Variants in CKAP5 observed in about 807,000 individuals in gnomAD.
CKAP5 encodes the protein cytoskeleton-associated protein 5.
Under a neutral mutation model 232.8 loss-of-function variants are expected in CKAP5, and 27 were observed. The ratio of observed to expected loss-of-function variants is 0.12; its 90% CI spans 0.09 to 0.16. The LOEUF (loss-of-function observed/expected upper bound fraction) is 0.16. Ranked by LOEUF, CKAP5 falls within the 10% of genes least tolerant of loss-of-function variation. The probability of loss-of-function intolerance (pLI) is 1.00; values close to 1 mark genes in which losing one functional copy is unlikely to be tolerated. For missense variants in CKAP5, 1,838 were observed against 2,424.7 expected (o/e 0.76, Z 5.08); for synonymous variants, 785 against 841.1 (o/e 0.93, Z 1.16).
At position 46,809,431 on chromosome 11, in the gene CKAP5, G is replaced by C. The variant is rs768513996; in HGVS notation, c.833C>G (p.Ser278Cys). 4 of 1,611,416 alleles carry C rather than the reference G, an allele frequency of 2.5e-6. 1 individual carries two copies. The South Asian group carries it at 4.4e-5, about 18-fold the overall frequency. The change falls in exon 7 of 44, where the codon TCC becomes TGC. Residue 278 changes from serine (S) to cysteine (C), a missense_variant. Physicochemically the swap from Ser to Cys is moderately radical, Grantham distance 112. Coordinates refer to ENST00000529230, the MANE Select transcript of CKAP5 (RefSeq NM_001008938.4). ...GTCATAAAAGTCTTTGGGAAGTTTG[G>C]AAAGGATTTCTACAGCTTCTAAAAG... ...YELLEAVEIL[S>C]KLPKDFYDKI...
At chr11:46,801,442 G>C in intron 8 of CKAP5, 138 bp from the exon 9 acceptor site, 2 of 579,942 alleles carry the variant, frequency 3.4e-6, no homozygotes, top group South Asian at 3.5e-5. Flanking sequence ...GGCCAAGGTG[G>C]GTGGACCACC....
Position 46,765,267 on chromosome 11 carries a change from G to C in CKAP5, c.3412-11C>G. 1 of 1,599,352 alleles carries C rather than the reference G, an allele frequency of 6.3e-7. No individual in the cohort carries two copies. The highest frequency in any genetic ancestry group is 8.5e-7 in the Non-Finnish European group (1 of 1,173,470). ...CTTCCCTTGTGCACTCTACAACCAA[G>C]GTTCAGGGAATACTGATTAGCTTGG... On this transcript the variant is annotated splice_polypyrimidine_tract_variant and intron_variant, in intron 27 of 43. Coordinates refer to ENST00000529230, the MANE Select transcript of CKAP5 (RefSeq NM_001008938.4).
intron 1 of CKAP5, among the ~76,000 whole-genome samples, chr11:46,822,519 C>T (rs977737233): frequency 6.6e-6 from 1 of 151,834 alleles, no homozygotes; most frequent in Admixed American, 6.6e-5. Flanking sequence ...TCTGGGAGGC[C>T]GAGCCGGGCG....
At chr11:46,799,163 A>T (rs1938968774) in intron 9 of CKAP5, among the ~76,000 whole-genome samples, 1 of 147,166 alleles carries the variant, frequency 6.8e-6, no homozygotes, top group African/African-American at 2.5e-5. Context: ...CACACCTGCT[A>T]TTTTTTTTTT....
At chr11:46,762,595 A>G (rs749706982) in intron 31 of CKAP5, 32 bp downstream of exon 31, 2 of 1,612,532 alleles carry the variant, frequency 1.2e-6, no homozygotes, top group Non-Finnish European at 1.7e-6. Flanking sequence ...TGCTGCAGAG[A>G]TTCACATCTC....
chr11:46,777,395 G>C, intron 23 of CKAP5, 44 bp downstream of exon 23: 1 of 1,200,040 alleles, frequency 8.3e-7, no homozygotes, highest in South Asian at 1.2e-5. Flanking sequence ...AAATATGGCT[G>C]GCCTATTCCA....
intron 3 of CKAP5, among the ~76,000 whole-genome samples, chr11:46,816,641 T>C (rs1205408115): frequency 6.6e-6 from 1 of 152,136 alleles, no homozygotes; most frequent in East Asian, 1.9e-4. Flanking sequence ...AACAAAAAAT[T>C]AAAGATCCCT....
At chr11:46,768,319 T>C (rs1197349554) in intron 26 of CKAP5, among the ~76,000 whole-genome samples, 2 of 151,822 alleles carry the variant, frequency 1.3e-5, no homozygotes, top group Non-Finnish European at 2.9e-5. Context: ...GCCTCCTGAA[T>C]AGCTGGGACT....
In CKAP5 at chr11:46,777,442, G is replaced by A; in HGVS notation, c.2859C>T (p.Ser953=). The A allele has an allele frequency of 2.5e-6, 4 of 1,595,442 alleles. No individual in the cohort carries two copies. Among genetic ancestry groups the A allele is most frequent in the Non-Finnish European group, 3.4e-6 (4 of 1,163,258 alleles). ...GIPIITVLGD[S]KNNVRAAALA... Reference sequence around the variant, plus strand: ...TGGTGAAAAGAGTTAGGTTTACCTTGCTGTCTCCAAGGACTGTGATGATAG... The same window carrying A: ...TGGTGAAAAGAGTTAGGTTTACCTTACTGTCTCCAAGGACTGTGATGATAG... The change falls in exon 23 of 44, where the codon AGC becomes AGT. Residue 953 remains serine (S), a synonymous_variant. Transcript: ENST00000529230.
At chr11:46,818,617 G>T in intron 2 of CKAP5, 114 bp from the exon 3 acceptor site, 2 of 720,902 alleles carry the variant, frequency 2.8e-6, no homozygotes, top group Non-Finnish European at 2.1e-6. Context: ...GTCAGGTAAT[G>T]TAAACAAAGG....
chr11:46,824,731 A>C (rs926181556), intron 1 of CKAP5, among the ~76,000 whole-genome samples: 1 of 152,254 alleles, frequency 6.6e-6, no homozygotes, highest in African/African-American at 2.4e-5. Context: ...CAAAAAGTTA[A>C]AAGTATCATA....
At chr11:46,775,625 G>A (rs2065283966) in intron 24 of CKAP5, among the ~76,000 whole-genome samples, 1 of 151,910 alleles carries the variant, frequency 6.6e-6, no homozygotes, top group African/African-American at 2.4e-5. Context: ...TATACACCAT[G>A]GAATACTATG....
intron 14 of CKAP5, 116 bp from the exon 15 acceptor site, chr11:46,790,302 CT>C (rs1331275459): frequency 7.5e-6 from 6 of 805,016 alleles, no homozygotes; most frequent in Non-Finnish European, 1.2e-5. Context: ...GCTATAGTTT[CT>C]GAGGCTTCTA....
chr11:46,772,511 C>T (rs961034249), intron 24 of CKAP5, among the ~76,000 whole-genome samples: 2 of 152,080 alleles, frequency 1.3e-5, no homozygotes, highest in African/African-American at 4.8e-5. Context: ...TTATGGATGT[C>T]CAATTGCTCC....
In CKAP5 at chr11:46,790,124, G is replaced by C; in HGVS notation, c.1827C>G (p.Asp609Glu). The C allele has an allele frequency of 6.2e-7, 1 of 1,611,770 alleles. No homozygotes were observed. Among genetic ancestry groups the C allele is most frequent in the Non-Finnish European group, 8.5e-7 (1 of 1,178,284 alleles). ...CCAGCCTTTCTTTCCAGTTACTGCT[G>C]TCAAGAAGCTGTATACAGGTAGGGG... is the stretch of plus-strand genomic sequence containing the variant. ...VLPPTCIQLLDSSNWKERLAC... is the reference protein window; with the variant it reads ...VLPPTCIQLLESSNWKERLAC... Residue 609 changes from aspartate to glutamate, a missense_variant, in exon 15 of 44, where the codon GAC becomes GAG. This residue lies in a region of CKAP5 where 767 missense variants were observed against 954.6 expected (regional missense o/e 0.80). Coordinates refer to ENST00000529230, the MANE Select transcript of CKAP5 (RefSeq NM_001008938.4).
chr11:46,827,599 C>T (rs1274193103), intron 1 of CKAP5, among the ~76,000 whole-genome samples: 1 of 152,120 alleles, frequency 6.6e-6, no homozygotes. Context: ...CCACCCTGAA[C>T]AACTAACCAA....
At chr11:46,782,136 C>T (rs1289583961) in intron 18 of CKAP5, among the ~76,000 whole-genome samples, 1 of 152,068 alleles carries the variant, frequency 6.6e-6, no homozygotes, top group East Asian at 1.9e-4. Flanking sequence ...GCCTGCCTCT[C>T]TGTCTCTGTC....
intron 18 of CKAP5, 168 bp downstream of exon 18, chr11:46,783,105 AC>A: frequency 2.5e-6 from 1 of 402,462 alleles, no homozygotes; most frequent in East Asian, 3.9e-5. Flanking sequence ...AAGCAGGAAC[AC>A]AAGCCAATAT....
intron 18 of CKAP5, among the ~76,000 whole-genome samples, chr11:46,781,349 T>G (rs945884162): frequency 5.3e-5 from 8 of 152,222 alleles, no homozygotes; most frequent in African/African-American, 1.9e-4. Flanking sequence ...ATTATTCCAA[T>G]AGCCTACTAA....
Sources: allele counts gnomAD v4.1 joint callset (sites outside exome capture counted in the v4.1 genomes callset), GRCh38; gene constraint gnomAD v4.1.1; regional missense constraint gnomAD v4.1.1; transcripts MANE v1.5; gene names NCBI Gene and HGNC (gene_info 2026-07-23, HGNC 2026-07-21).